The following FAM110D variants were observed in gnomAD, a reference collection of about 807,000 sequenced individuals.
FAM110D encodes protein FAM110D.
For synonymous variants in FAM110D, 174 were observed against 189.4 expected (o/e 0.92, Z 0.67); for missense variants, 376 against 395.6 (o/e 0.95, Z 0.42).
chr1:26,159,127 G>C lies in FAM110D; in HGVS notation c.-81+1G>C, dbSNP rs561510573. 6.6e-6 allele frequency: 1 copy of C among 152,334 alleles called. No individual in the cohort carries two copies. The highest frequency in any genetic ancestry group is 2.4e-5 in the African/African-American group (1 of 41,462). The allele number at this position is 152,334 out of a possible 1,614,324, so 9.4% of individuals were successfully genotyped here. On this transcript the variant is annotated splice_donor_variant, in intron 1 of 1. Transcript: ENST00000374268. LOFTEE classifies it low-confidence loss of function (5UTR_SPLICE). ...CTGCAATTAGGCCTCCCATGCAGAG[G>C]TGAGTGTACCCTGAGCCCAGGGCTG...
rs1309411595 is a variant in FAM110D, at chr1:26,161,983, A to AGGCAGCGGGCTCGGC, written c.694_708dup (p.Ala232_Ala236dup). ...GGCGCGGGCGGCGGCGGCGGCTCGG[A>AGGCAGCGGGCTCGGC]GGCAGCGGGCTCGGCGCGGGACCGG... On this transcript the variant is annotated inframe_insertion, in exon 2 of 2. Transcript: ENST00000374268. This position sits in a 1 kb window ranked among gnomAD's most constrained non-coding sequence, Gnocchi z 5.4. 169 of 1,240,206 alleles carry AGGCAGCGGGCTCGGC rather than the reference A, an allele frequency of 1.4e-4. No homozygotes were observed. Among genetic ancestry groups the AGGCAGCGGGCTCGGC allele is most frequent in the Non-Finnish European group, 1.7e-4 (165 of 996,668 alleles). 76.8% of individuals were successfully genotyped at this position (1,240,206 alleles called of 1,614,324 possible). A position where few individuals can be genotyped will look rare whatever the true frequency, so the allele number is the denominator to read the frequency against.
At chr1:26,160,123 G>A (rs1197299111) in intron 1 of FAM110D, among the ~76,000 whole-genome samples, 7 of 145,762 alleles carry the variant, frequency 4.8e-5, no homozygotes, top group Non-Finnish European at 3.0e-5. Context: ...ACGGAGTCTC[G>A]CTCTGTTGCC....
chr1:26,162,279 G>A lies in FAM110D; in HGVS notation c.*172G>A, dbSNP rs1569853072. 2.4e-6 allele frequency: 1 copy of A among 417,274 alleles called. No homozygotes were observed. The highest frequency in any genetic ancestry group is 4.2e-6 in the Non-Finnish European group (1 of 238,110). The allele number at this position is 417,274 out of a possible 1,614,324, so 25.8% of individuals were successfully genotyped here. Reference sequence around the variant, plus strand: ...GCCGAAGGCCCTTCCCTGCTCCCGCGGCGAAGGGGGAGGGAGAGGCCTCTT... The same window carrying A: ...GCCGAAGGCCCTTCCCTGCTCCCGCAGCGAAGGGGGAGGGAGAGGCCTCTT... On this transcript the variant is annotated 3_prime_UTR_variant, in exon 2 of 2. Transcript: ENST00000374268. This position sits in a 1 kb window ranked among gnomAD's most constrained non-coding sequence, Gnocchi z 5.3.
rs1382493586 is a variant in FAM110D at position 26,161,643 on chromosome 1, G to A, written c.352G>A (p.Asp118Asn). ...GCGCCTCTTTCTGGGTGCCCCGCGG[G>A]ACGCTGCCCCGAGCAGCCCGGCCTC... ...VRRLFLGAPR[D>N]AAPSSPASTE... The change falls in exon 2 of 2, where the codon GAC becomes AAC. Residue 118 changes from aspartate (D) to asparagine (N), a missense_variant. Coordinates refer to ENST00000374268, the MANE Select transcript of FAM110D (RefSeq NM_024869.3). This position sits in a 1 kb window ranked among gnomAD's most constrained non-coding sequence, Gnocchi z 5.4. The A allele has an allele frequency of 6.4e-7, 1 of 1,552,158 alleles. No homozygotes were observed. Among genetic ancestry groups the A allele is most frequent in the Non-Finnish European group, 8.7e-7 (1 of 1,148,110 alleles).
rs2088374182 is a variant in FAM110D, at chr1:26,161,918, C to T, written c.627C>T (p.Ser209=). 2.8e-6 allele frequency: 4 copies of T among 1,411,254 alleles called. No individual in the cohort carries two copies. Among genetic ancestry groups the T allele is most frequent in the African/African-American group, 3.0e-5 (2 of 66,028 alleles). The allele number at this position is 1,411,254 out of a possible 1,614,324, so 87.4% of individuals were successfully genotyped here. Residue 209 remains serine, a synonymous_variant, in exon 2 of 2, where the codon AGC becomes AGT. Transcript: ENST00000374268. The surrounding 1 kb of genome is among the most constrained non-coding windows in gnomAD (Gnocchi z 5.4). ...CGCCGCCCGGCTCCGGGGACGCCAG[C>T]GACTGGACATCCAGCGACAGGGGCG... The part of the protein sequence containing the change: ...TSPPPGSGDA[S]DWTSSDRGVD...
At position 26,162,042 on chromosome 1, in the gene FAM110D, C is replaced by T. The variant is rs1038261775; in HGVS notation, c.751C>T (p.Arg251Cys). ...GGTGTCGGTGGTGGAGCGCAACGCGCGCGTCATCCAGTGGCTGTACGGCTG... is the reference window on the plus strand; with the variant it reads ...GGTGTCGGTGGTGGAGCGCAACGCGTGCGTCATCCAGTGGCTGTACGGCTG... ...PPVSVVERNARVIQWLYGCQR... is the reference protein window; with the variant it reads ...PPVSVVERNACVIQWLYGCQR... Residue 251 changes from arginine to cysteine, a missense_variant, in exon 2 of 2, where the codon CGC becomes TGC. Transcript: ENST00000374268. The surrounding 1 kb of genome is among the most constrained non-coding windows in gnomAD (Gnocchi z 5.3). 47 of 1,251,756 alleles carry T rather than the reference C, an allele frequency of 3.8e-5. 1 individual carries two copies. The Admixed American group carries it at 1.4e-3, about 37-fold the overall frequency. The allele number at this position is 1,251,756 out of a possible 1,614,324, so 77.5% of individuals were successfully genotyped here. A position where few individuals can be genotyped will look rare whatever the true frequency, so the allele number is the denominator to read the frequency against.
intron 1 of FAM110D, among the ~76,000 whole-genome samples, chr1:26,160,522 A>G (rs1294445271): frequency 1.3e-5 from 2 of 151,694 alleles, no homozygotes; most frequent in Non-Finnish European, 2.9e-5. Context: ...CCTGGCTCCT[A>G]ACTCTCAATA....
Position 26,161,874 on chromosome 1 carries a change from C to T in FAM110D, c.583C>T (p.Pro195Ser). ...GCAGAGCTGGGGAGCCGACGCCAGCCCGCAGGCCGGAACTTCGCCGCCGCC... is the reference window on the plus strand; with the variant it reads ...GCAGAGCTGGGGAGCCGACGCCAGCTCGCAGGCCGGAACTTCGCCGCCGCC... ...SPQSWGADAS[P>S]QAGTSPPPGS... Residue 195 changes from proline to serine, a missense_variant, in exon 2 of 2, where the codon CCG becomes TCG. Coordinates refer to ENST00000374268, the MANE Select transcript of FAM110D (RefSeq NM_024869.3). This position sits in a 1 kb window ranked among gnomAD's most constrained non-coding sequence, Gnocchi z 5.4. 6.7e-7 allele frequency: 1 copy of T among 1,484,814 alleles called. No homozygotes were observed. The highest frequency in any genetic ancestry group is 8.9e-7 in the Non-Finnish European group (1 of 1,122,728). The allele number at this position is 1,484,814 out of a possible 1,614,324, so 92.0% of individuals were successfully genotyped here. A position where few individuals can be genotyped will look rare whatever the true frequency, so the allele number is the denominator to read the frequency against.
Position 26,161,999 on chromosome 1 carries a change from GCGGGACCGGCGCCCC to G in FAM110D, c.710_724del (p.Arg237_Pro241del). On this transcript the variant is annotated inframe_deletion, in exon 2 of 2. Coordinates refer to ENST00000374268, the MANE Select transcript of FAM110D (RefSeq NM_024869.3). The surrounding 1 kb of genome is among the most constrained non-coding windows in gnomAD (Gnocchi z 5.4). ...GCGGCTCGGAGGCAGCGGGCTCGGC[GCGGGACCGGCGCCCC>G]CCGGTGTCGGTGGTGGAGCGCAACG... 8.1e-7 allele frequency: 1 copy of G among 1,235,726 alleles called. No individual in the cohort carries two copies. Among genetic ancestry groups the G allele is most frequent in the East Asian group, 3.2e-5 (1 of 30,938 alleles). 76.5% of individuals were successfully genotyped at this position (1,235,726 alleles called of 1,614,324 possible).
In FAM110D at chr1:26,163,341, T is replaced by C. The variant is rs2088390592; in HGVS notation, c.*1234T>C. Reference sequence around the variant, plus strand: ...CTCTGCTCTTCCTTCTCTTTTTTTTTTTTTTTTTTTTTTTTTTTTTTGAGA... The same window carrying C: ...CTCTGCTCTTCCTTCTCTTTTTTTTCTTTTTTTTTTTTTTTTTTTTTGAGA... On this transcript the variant is annotated 3_prime_UTR_variant, in exon 2 of 2. Coordinates refer to ENST00000374268, the MANE Select transcript of FAM110D (RefSeq NM_024869.3). 9.3e-5 allele frequency: 1 copy of C among 10,762 alleles called. No homozygotes were observed. Among genetic ancestry groups the C allele is most frequent in the African/African-American group, 1.7e-4 (1 of 5,874 alleles). 0.7% of individuals were successfully genotyped at this position (10,762 alleles called of 1,614,324 possible). A position where few individuals can be genotyped will look rare whatever the true frequency, so the allele number is the denominator to read the frequency against.
Position 26,161,989 on chromosome 1 carries a change from C to G in FAM110D, c.698C>G (p.Ala233Gly). 5.7e-6 allele frequency: 7 copies of G among 1,237,394 alleles called. No individual in the cohort carries two copies. Among genetic ancestry groups the G allele is most frequent in the Non-Finnish European group, 7.0e-6 (7 of 994,714 alleles). The allele number at this position is 1,237,394 out of a possible 1,614,324, so 76.7% of individuals were successfully genotyped here. A position where few individuals can be genotyped will look rare whatever the true frequency, so the allele number is the denominator to read the frequency against. ...GAGGGGGSEA[A>G]GSARDRRPPV... ...GGCGGCGGCGGCGGCTCGGAGGCAG[C>G]GGGCTCGGCGCGGGACCGGCGCCCC... The change falls in exon 2 of 2, where the codon GCG (alanine) becomes GGG (glycine). Residue 233 changes from alanine to glycine, a missense_variant. Transcript: ENST00000374268. The surrounding 1 kb of genome is among the most constrained non-coding windows in gnomAD (Gnocchi z 5.4).
chr1:26,159,647 T>G (rs1435808420), intron 1 of FAM110D, among the ~76,000 whole-genome samples: 1 of 150,910 alleles, frequency 6.6e-6, no homozygotes, highest in Non-Finnish European at 1.5e-5. Context: ...AGGGGTGGGC[T>G]GGACCTGGCA....
In FAM110D at chr1:26,162,261, G is replaced by T; in HGVS notation, c.*154G>T. On this transcript the variant is annotated 3_prime_UTR_variant, in exon 2 of 2. Coordinates refer to ENST00000374268, the MANE Select transcript of FAM110D (RefSeq NM_024869.3). This position sits in a 1 kb window ranked among gnomAD's most constrained non-coding sequence, Gnocchi z 5.3. ...GAGGTGGAACAAGTTGCTGCCGAAGGCCCTTCCCTGCTCCCGCGGCGAAGG... is the reference window on the plus strand; with the variant it reads ...GAGGTGGAACAAGTTGCTGCCGAAGTCCCTTCCCTGCTCCCGCGGCGAAGG... 1 of 455,918 alleles carries T rather than the reference G, an allele frequency of 2.2e-6. No homozygotes were observed. Among genetic ancestry groups the T allele is most frequent in the Non-Finnish European group, 3.7e-6 (1 of 273,594 alleles). 28.2% of individuals were successfully genotyped at this position (455,918 alleles called of 1,614,324 possible).
In FAM110D at chr1:26,161,162, G is replaced by A. The variant is rs2124491194; in HGVS notation, c.-80-50G>A. 1 of 931,374 alleles carries A rather than the reference G, an allele frequency of 1.1e-6. No individual in the cohort carries two copies. The highest frequency in any genetic ancestry group is 1.6e-6 in the Non-Finnish European group (1 of 629,380). 57.7% of individuals were successfully genotyped at this position (931,374 alleles called of 1,614,324 possible). On this transcript the variant is annotated intron_variant, in intron 1 of 1. Transcript: ENST00000374268. This position sits in a 1 kb window ranked among gnomAD's most constrained non-coding sequence, Gnocchi z 5.4. ...TATACTGAGGAATGCCGGCAGGAGA[G>A]GACCAGGGGCATTTCCTACCCTTCC...
chr1:26,161,042 T>A lies in FAM110D; in HGVS notation c.-80-170T>A, dbSNP rs907016439. Among the ~76,000 whole-genome samples, 1 of 152,324 alleles carries A rather than the reference T, an allele frequency of 6.6e-6. No individual in the cohort carries two copies. The highest frequency in any genetic ancestry group is 1.9e-4 in the East Asian group (1 of 5,186). On this transcript the variant is annotated intron_variant, in intron 1 of 1. Coordinates refer to ENST00000374268, the MANE Select transcript of FAM110D (RefSeq NM_024869.3). The surrounding 1 kb of genome is among the most constrained non-coding windows in gnomAD (Gnocchi z 5.4). ...GAGTGGCCAGAGAGACCCCACTCAA[T>A]GTCTCTGAAGGACAGGGAAAGGGGA...
At position 26,163,576 on chromosome 1, in the gene FAM110D, C is replaced by G; in HGVS notation, c.*1469C>G. The G allele has an allele frequency of 6.7e-5, 2 of 29,772 alleles. 1 individual carries two copies. The highest frequency in any genetic ancestry group is 1.7e-4 in the Non-Finnish European group (2 of 11,522). The allele number at this position is 29,772 out of a possible 1,614,324, so 1.8% of individuals were successfully genotyped here. A position where few individuals can be genotyped will look rare whatever the true frequency, so the allele number is the denominator to read the frequency against. On this transcript the variant is annotated 3_prime_UTR_variant, in exon 2 of 2. Coordinates refer to ENST00000374268, the MANE Select transcript of FAM110D (RefSeq NM_024869.3). ...AGCCGGGATGGTCTCGATCTCCTGACCTCGTGATCCGCCCGCCTCGGCCTC... is the reference window on the plus strand; with the variant it reads ...AGCCGGGATGGTCTCGATCTCCTGAGCTCGTGATCCGCCCGCCTCGGCCTC...
In FAM110D at chr1:26,161,736, C is replaced by T. The variant is rs752684298; in HGVS notation, c.445C>T (p.Arg149Trp). ...GGATGCCCCGGAAGCGGCGGGAAAG[C>T]GGGCGCTGTGTCCCACGTGCTCGCT... is the stretch of plus-strand genomic sequence containing the variant. ...PQDAPEAAGK[R>W]ALCPTCSLPL... Residue 149 changes from arginine (R) to tryptophan (W), a missense_variant, in exon 2 of 2, where the codon CGG becomes TGG. Coordinates refer to ENST00000374268, the MANE Select transcript of FAM110D (RefSeq NM_024869.3). This position sits in a 1 kb window ranked among gnomAD's most constrained non-coding sequence, Gnocchi z 5.4. The T allele has an allele frequency of 1.3e-6, 2 of 1,547,524 alleles. No individual in the cohort carries two copies. Among genetic ancestry groups the T allele is most frequent in the Admixed American group, 2.0e-5 (1 of 50,984 alleles).
rs745461816 is a variant in FAM110D at position 26,161,791 on chromosome 1, A to G, written c.500A>G (p.Asn167Ser). 1.2e-4 allele frequency: 191 copies of G among 1,551,000 alleles called. No homozygotes were observed. Among genetic ancestry groups the G allele is most frequent in the Non-Finnish European group, 1.6e-4 (178 of 1,148,104 alleles). ...CTGTCGGAGAAGGAGCGCTTCTTCA[A>G]CTACTGCGGCCTGGAGCGCGCGCTG... ...LPLSEKERFF[N>S]YCGLERALVE... The change falls in exon 2 of 2, where the codon AAC becomes AGC. Residue 167 changes from asparagine (N) to serine (S), a missense_variant. By Grantham distance (46) the Asn-to-Ser change is conservative. Transcript: ENST00000374268. This position sits in a 1 kb window ranked among gnomAD's most constrained non-coding sequence, Gnocchi z 5.4.
At chr1:26,160,939 C>T (rs1384444993) in intron 1 of FAM110D, among the ~76,000 whole-genome samples, 2 of 152,238 alleles carry the variant, frequency 1.3e-5, no homozygotes, top group African/African-American at 4.8e-5. Flanking sequence ...TTTCCTTTTC[C>T]AAGTGTCCTG....
Sources: allele counts gnomAD v4.1 joint callset (sites outside exome capture counted in the v4.1 genomes callset), GRCh38; gene constraint gnomAD v4.1.1; non-coding constraint Gnocchi (gnomAD v3.1); transcripts MANE v1.5; gene names NCBI Gene and HGNC (gene_info 2026-07-23, HGNC 2026-07-21).